The following MACF1 variants were observed in gnomAD, a reference collection of about 807,000 sequenced individuals.
MACF1 encodes the protein microtubule actin crosslinking factor 1, also known as microtubule-actin cross-linking factor 1.
MACF1 carries 193 observed loss-of-function variants against 854.8 expected under a neutral mutation model. The observed-to-expected ratio is 0.23, with a 90% CI of 0.20 to 0.25. MACF1 has a LOEUF of 0.25. Ranked by LOEUF, MACF1 falls within the 10% of genes least tolerant of loss-of-function variation. The pLI, the probability that MACF1 is intolerant of heterozygous loss-of-function variation, is 1.00. For synonymous variants in MACF1, 3,185 were observed against 3,226.7 expected (o/e 0.99, Z 0.44); for missense variants, 7,722 against 8,929.1 (o/e 0.86, Z 5.45).
intron 44 of MACF1, among the ~76,000 whole-genome samples, chr1:39,353,561 A>G (rs1210506076): frequency 6.6e-6 from 1 of 152,000 alleles, no homozygotes; most frequent in East Asian, 1.9e-4. Flanking sequence ...TGTAATTGCC[A>G]TTTGCACTAA....
At chr1:39,092,901 GC>G (rs1022524305) in intron 2 of MACF1, among the ~76,000 whole-genome samples, 1 of 151,788 alleles carries the variant, frequency 6.6e-6, no homozygotes. Flanking sequence ...CTCTGCCTCA[GC>G]CCCCCGAGTA....
intron 6 of MACF1, among the ~76,000 whole-genome samples, chr1:39,260,945 G>T (rs1406154731): frequency 6.6e-6 from 1 of 151,876 alleles, no homozygotes; most frequent in Non-Finnish European, 1.5e-5. Context: ...TAATATATAT[G>T]AATCCAAGTG....
At chr1:39,352,361 C>T (rs535885953) in intron 43 of MACF1, among the ~76,000 whole-genome samples, 1 of 152,296 alleles carries the variant, frequency 6.6e-6, no homozygotes, top group South Asian at 2.1e-4. Context: ...AGAAGTTTGT[C>T]TTTCCTTTAG....
chr1:39,393,806 C>CA (rs11329754), intron 58 of MACF1, among the ~76,000 whole-genome samples: 6 of 126,126 alleles, frequency 4.8e-5, no homozygotes, highest in Admixed American at 8.9e-5. Context: ...GACCCTGTCT[C>CA]AAAAAAAAAA....
At chr1:39,199,695 C>G (rs1234077216), upstream of MACF1, among the ~76,000 whole-genome samples, 1 of 152,200 alleles carries the variant, frequency 6.6e-6, no homozygotes. Context: ...CCCTTCCAAG[C>G]AAGTCCATCT....
intron 2 of MACF1, among the ~76,000 whole-genome samples, chr1:39,093,463 G>A (rs1015197327): frequency 2.7e-5 from 4 of 149,422 alleles, no homozygotes; most frequent in East Asian, 3.9e-4. Flanking sequence ...TAACATGTGC[G>A]CGCCACCACG....
At chr1:39,350,514 G>T (rs926349958) in intron 42 of MACF1, among the ~76,000 whole-genome samples, 9 of 152,192 alleles carry the variant, frequency 5.9e-5, no homozygotes. Context: ...TTTATGGAAA[G>T]AATGATCTCT....
At chr1:39,321,185 A>G (rs1646509449) in intron 31 of MACF1, among the ~76,000 whole-genome samples, 1 of 152,194 alleles carries the variant, frequency 6.6e-6, no homozygotes, top group Middle Eastern at 3.2e-3. Context: ...CACTCACTGT[A>G]AGAAAGAATT....
At chr1:39,142,412 C>A (rs914970940) in intron 2 of MACF1, among the ~76,000 whole-genome samples, 2 of 152,070 alleles carry the variant, frequency 1.3e-5, no homozygotes, top group African/African-American at 4.8e-5. Flanking sequence ...CAAGATGTAT[C>A]CTGTTAAAAA....
chr1:39,102,060 C>T lies in MACF1; in HGVS notation c.220+17622C>T, dbSNP rs1571039847. On this transcript the variant is annotated intron_variant, in intron 2 of 93. Coordinates refer to the MACF1 transcript ENST00000361689. Reference sequence around the variant, plus strand: ...GCGAGGTGGCGGGCGCCTGTAGTCCCAGCTACTCGGGAGGCTGAGGCAGGA... The same window carrying T: ...GCGAGGTGGCGGGCGCCTGTAGTCCTAGCTACTCGGGAGGCTGAGGCAGGA... Among the ~76,000 whole-genome samples the T allele has an allele frequency of 3.3e-5, 5 of 151,776 alleles. No individual in the cohort carries two copies. The East Asian group carries it at 9.8e-4, about 30-fold the overall frequency.
chr1:39,250,142 C>A, intron 3 of MACF1, 39 bp downstream of exon 3: 3 of 1,376,346 alleles, frequency 2.2e-6, no homozygotes, highest in Non-Finnish European at 3.1e-6. Flanking sequence ...AATTGTGGCC[C>A]TACAAATGAC....
intron 45 of MACF1, 129 bp from the exon 46 acceptor site, chr1:39,358,568 G>T: frequency 1.2e-6 from 1 of 807,976 alleles, no homozygotes. Flanking sequence ...CTATCCATGG[G>T]TTCTGGCAAT....
At position 39,461,933 on chromosome 1, in the gene MACF1, C is replaced by G; in HGVS notation, c.21574C>G (p.Arg7192Gly). The change falls in exon 93 of 101, where the codon CGA becomes GGA. Residue 7192 changes from arginine to glycine, a missense_variant. By Grantham distance (125) the Arg-to-Gly change is moderately radical. Coordinates refer to ENST00000564288, the MANE Select transcript of MACF1 (RefSeq NM_001394062.1). The part of the protein sequence containing the change: ...EMTAVADIFD[R>G]DGDGYIDYYE... ...GACTGCTGTGGCTGACATTTTCGAC[C>G]GAGATGGGGATGGTTACATTGATTA... 1 of 1,613,760 alleles carries G rather than the reference C, an allele frequency of 6.2e-7. No homozygotes were observed. Among genetic ancestry groups the G allele is most frequent in the Non-Finnish European group, 8.5e-7 (1 of 1,179,938 alleles).
rs137902997 is a variant in MACF1 at position 39,345,399 on chromosome 1, C to T, written c.10582-1578C>T. 9.3e-3 allele frequency among the ~76,000 whole-genome samples: 1,419 copies of T among 152,010 alleles called. 5 individuals are homozygous for T. Among genetic ancestry groups the T allele is most frequent in the Non-Finnish European group, 0.015 (990 of 67,968 alleles). Reference sequence around the variant, plus strand: ...GCTAAGTGGAAGGATCACTTAAGCCCGGGAGTTTGAGACCAGCCTGGGCAA... The same window carrying T: ...GCTAAGTGGAAGGATCACTTAAGCCTGGGAGTTTGAGACCAGCCTGGGCAA... On this transcript the variant is annotated intron_variant, in intron 40 of 100. Transcript: ENST00000564288.
At chr1:39,132,606 T>A (rs1643029758) in intron 2 of MACF1, among the ~76,000 whole-genome samples, 2 of 152,148 alleles carry the variant, frequency 1.3e-5, no homozygotes, top group African/African-American at 4.8e-5. Flanking sequence ...ATGGCTTGGA[T>A]CCTGATCAGC....
At position 39,427,944 on chromosome 1, in the gene MACF1, T is replaced by C. The variant is rs200540117; in HGVS notation, c.16477-17T>C. The C allele has an allele frequency of 5.1e-6, 8 of 1,571,768 alleles. No individual in the cohort carries two copies. In the East Asian group the frequency reaches 9.0e-5, roughly 18 times the overall value. ...TATTTTGTTTCTGTTATTCATTTTT[T>C]CCATCTGGATTTCCAGGCTCTGGAA... On this transcript the variant is annotated splice_polypyrimidine_tract_variant and intron_variant, in intron 62 of 100. Transcript: ENST00000564288.
At chr1:39,300,602 G>A (rs1458642521) in intron 22 of MACF1, among the ~76,000 whole-genome samples, 2 of 151,942 alleles carry the variant, frequency 1.3e-5, no homozygotes, top group African/African-American at 4.8e-5. Context: ...TTGCCTAAGT[G>A]TTGACAGAGA....
chr1:39,269,113 A>G (rs1382950651), intron 6 of MACF1: 1 of 1,289,858 alleles, frequency 7.8e-7, no homozygotes, highest in South Asian at 1.2e-5. Flanking sequence ...TCCCTGGAAG[A>G]GGGGATGACT....
At chr1:39,153,713 C>T (rs886663951) in intron 2 of MACF1, among the ~76,000 whole-genome samples, 17 of 152,196 alleles carry the variant, frequency 1.1e-4, no homozygotes, top group African/African-American at 3.6e-4. Flanking sequence ...CCCTTTCCTT[C>T]GAAGTATGAA....
Sources: allele counts gnomAD v4.1 joint callset (sites outside exome capture counted in the v4.1 genomes callset), GRCh38; gene constraint gnomAD v4.1.1; transcripts MANE v1.5; gene names NCBI Gene and HGNC (gene_info 2026-07-23, HGNC 2026-07-21).